Variants in ADGRL3 observed in about 807,000 individuals in gnomAD.
ADGRL3 encodes the protein calcium-independent alpha-latrotoxin receptor 3.
In ADGRL3, 62 loss-of-function variants were observed where a neutral mutation model predicts 153.5. The observed-to-expected ratio is 0.40, with a 90% CI of 0.33 to 0.50. ADGRL3 has a LOEUF of 0.50. Ranked by LOEUF, ADGRL3 falls within the 20% of genes least tolerant of loss-of-function variation. ADGRL3 has a pLI of 0.47. For synonymous variants in ADGRL3, 710 were observed against 672.5 expected (o/e 1.06, Z -0.86); for missense variants, 1,641 against 1,859.4 (o/e 0.88, Z 2.16).
At chr4:61,950,051 A>G (rs994752554) in intron 17 of ADGRL3, among the ~76,000 whole-genome samples, 1 of 152,202 alleles carries the variant, frequency 6.6e-6, no homozygotes, top group East Asian at 1.9e-4. Context: ...ATTTTTCACT[A>G]TTTAACTAAC....
chr4:61,404,850 G>T (rs1368971835), intron 2 of ADGRL3, among the ~76,000 whole-genome samples: 2 of 151,942 alleles, frequency 1.3e-5, no homozygotes, highest in African/African-American at 4.8e-5. Flanking sequence ...AAGCTTTTTA[G>T]TTTTTAGAAC....
At position 61,749,926 on chromosome 4, in the gene ADGRL3, C is replaced by T. The variant is rs925742536; in HGVS notation, c.1399+16372C>T. On this transcript the variant is annotated intron_variant, in intron 8 of 26. Transcript: ENST00000683033. Reference sequence around the variant, plus strand: ...AAAAATGAAAAATGGAATTCAGGCACACAGATCTGCTGTGAGATGTAGAAG... The same window carrying T: ...AAAAATGAAAAATGGAATTCAGGCATACAGATCTGCTGTGAGATGTAGAAG... Among the ~76,000 whole-genome samples, 5 of 152,022 alleles carry T rather than the reference C, an allele frequency of 3.3e-5. No individual in the cohort carries two copies. In the South Asian group the frequency reaches 6.2e-4, roughly 19 times the overall value.
intron 6 of ADGRL3, among the ~76,000 whole-genome samples, chr4:61,695,910 T>G (rs1167921666): frequency 6.6e-6 from 1 of 152,174 alleles, no homozygotes; most frequent in Non-Finnish European, 1.5e-5. Context: ...TCCTTAAACC[T>G]CAGAAACCAA....
At chr4:61,677,725 A>T (rs1469143121) in intron 6 of ADGRL3, among the ~76,000 whole-genome samples, 1 of 152,016 alleles carries the variant, frequency 6.6e-6, no homozygotes, top group Non-Finnish European at 1.5e-5. Context: ...ACCTGGGATC[A>T]TAAACAAATC....
chr4:61,212,774 A>G (rs1205464040), intron 1 of ADGRL3, among the ~76,000 whole-genome samples: 3 of 152,236 alleles, frequency 2.0e-5, no homozygotes, highest in Admixed American at 2.0e-4. Flanking sequence ...AATCTTATGT[A>G]CAATGACCTT....
chr4:61,635,896 A>G lies in ADGRL3; in HGVS notation c.474-40930A>G, dbSNP rs535006828. Among the ~76,000 whole-genome samples, 5 of 152,150 alleles carry G rather than the reference A, an allele frequency of 3.3e-5. No homozygotes were observed. In the South Asian group the frequency reaches 1.0e-3, roughly 32 times the overall value. ...TTCTTCTTCAAAGGACACCAATTGTATTGGACCAGGACCTACCATATTTGT... is the reference window on the plus strand; with the variant it reads ...TTCTTCTTCAAAGGACACCAATTGTGTTGGACCAGGACCTACCATATTTGT... On this transcript the variant is annotated intron_variant, in intron 5 of 26. Transcript: ENST00000683033.
At chr4:61,601,406 A>C (rs2099010986) in intron 5 of ADGRL3, among the ~76,000 whole-genome samples, 1 of 152,300 alleles carries the variant, frequency 6.6e-6, no homozygotes, top group African/African-American at 2.4e-5. Context: ...GTCATTTCCT[A>C]ATCAATTTAT....
chr4:61,482,349 G>A (rs148970222), intron 2 of ADGRL3, among the ~76,000 whole-genome samples: 23 of 152,244 alleles, frequency 1.5e-4, no homozygotes, highest in African/African-American at 4.8e-4. Flanking sequence ...TTCAGATACC[G>A]TATTTTTAAT....
At chr4:61,425,781 T>C (rs1316812553) in intron 2 of ADGRL3, among the ~76,000 whole-genome samples, 1 of 152,192 alleles carries the variant, frequency 6.6e-6, no homozygotes, top group Non-Finnish European at 1.5e-5. Flanking sequence ...ATATATTAAA[T>C]ACCCAAGGAG....
At chr4:61,298,841 A>G (rs2094493904) in intron 1 of ADGRL3, among the ~76,000 whole-genome samples, 1 of 152,200 alleles carries the variant, frequency 6.6e-6, no homozygotes, top group African/African-American at 2.4e-5. Context: ...AGAAGGTTAT[A>G]AAGGGTTCCA....
chr4:61,906,544 G>T (rs963006042), intron 11 of ADGRL3: 1 of 151,846 alleles, frequency 6.6e-6, no homozygotes, highest in Non-Finnish European at 1.5e-5. Context: ...TATATCTGTG[G>T]GATTATTTCT....
At chr4:61,844,745 C>A (rs1448193072) in intron 9 of ADGRL3, among the ~76,000 whole-genome samples, 1 of 151,494 alleles carries the variant, frequency 6.6e-6, no homozygotes, top group African/African-American at 2.4e-5. Context: ...TGCCTTAATG[C>A]AGACTCTGTT....
chr4:61,329,907 C>G (rs1350841645), intron 1 of ADGRL3, among the ~76,000 whole-genome samples: 1 of 152,066 alleles, frequency 6.6e-6, no homozygotes, highest in African/African-American at 2.4e-5. Flanking sequence ...CTCAGAAAAC[C>G]TAAGGTTAGT....
chr4:61,372,902 C>T (rs1441728846), intron 1 of ADGRL3, among the ~76,000 whole-genome samples: 13 of 152,264 alleles, frequency 8.5e-5, no homozygotes, highest in African/African-American at 2.4e-4. Context: ...CAGGACCCTC[C>T]GAGCCAGGTG....
At chr4:61,702,691 A>G (rs2151328692) in intron 6 of ADGRL3, among the ~76,000 whole-genome samples, 1 of 152,268 alleles carries the variant, frequency 6.6e-6, no homozygotes, top group Admixed American at 6.5e-5. Context: ...TCATTATTCA[A>G]AATTAACTTA....
intron 13 of ADGRL3, among the ~76,000 whole-genome samples, chr4:61,930,287 C>T (rs905521135): frequency 6.6e-6 from 1 of 151,758 alleles, no homozygotes; most frequent in African/African-American, 2.4e-5. Context: ...AGGGGGGTAA[C>T]TAGGTTCCCC....
At chr4:61,655,554 A>G (rs534751837) in intron 5 of ADGRL3, among the ~76,000 whole-genome samples, 24 of 152,206 alleles carry the variant, frequency 1.6e-4, no homozygotes, top group Non-Finnish European at 3.1e-4. Flanking sequence ...ACTTGGAAAA[A>G]ATTAAGCTAA....
intron 3 of ADGRL3, among the ~76,000 whole-genome samples, chr4:61,515,798 A>G (rs555900233): frequency 6.6e-6 from 1 of 152,264 alleles, no homozygotes; most frequent in East Asian, 1.9e-4. Context: ...ATATTTTTAT[A>G]TTAGTCATAT....
At chr4:62,064,614 A>G (rs1741970475) in intron 25 of ADGRL3, among the ~76,000 whole-genome samples, 1 of 151,630 alleles carries the variant, frequency 6.6e-6, no homozygotes, top group Admixed American at 6.6e-5. Flanking sequence ...CAGTATTTAA[A>G]TTTTCTGGGC....
Sources: allele counts gnomAD v4.1 joint callset (sites outside exome capture counted in the v4.1 genomes callset), GRCh38; gene constraint gnomAD v4.1.1; transcripts MANE v1.5; gene names NCBI Gene and HGNC (gene_info 2026-07-23, HGNC 2026-07-21).